Variants in NEGR1 observed in about 807,000 individuals in gnomAD.
NEGR1 encodes the protein IgLON family member 4.
Under a neutral mutation model 40.9 loss-of-function variants are expected in NEGR1, and 10 were observed. The ratio of observed to expected loss-of-function variants is 0.24; its 90% CI spans 0.15 to 0.42. NEGR1 has a LOEUF of 0.42. Among genes scored for constraint, NEGR1 ranks in the 10% least tolerant of loss-of-function variants. The pLI, the probability that NEGR1 is intolerant of heterozygous loss-of-function variation, is 1.00. For missense variants in NEGR1, 352 were observed against 438.9 expected (o/e 0.80, Z 1.77); for synonymous variants, 185 against 166.8 (o/e 1.11, Z -0.84).
chr1:71,932,353 C>A (rs1247491381), intron 2 of NEGR1, among the ~76,000 whole-genome samples: 1 of 151,384 alleles, frequency 6.6e-6, no homozygotes, highest in Non-Finnish European at 1.5e-5. Flanking sequence ...CCTTAAAGAC[C>A]TTCTTGTCTT....
chr1:71,616,423 C>G (rs769502479), intron 4 of NEGR1, among the ~76,000 whole-genome samples: 51 of 152,198 alleles, frequency 3.4e-4, no homozygotes, highest in Non-Finnish European at 7.1e-4. Context: ...TGAGGTGGAG[C>G]TGAGGCAGTG....
At chr1:71,866,816 C>T (rs1395741156) in intron 2 of NEGR1, among the ~76,000 whole-genome samples, 1 of 152,138 alleles carries the variant, frequency 6.6e-6, no homozygotes, top group East Asian at 1.9e-4. Flanking sequence ...TATAATGTGA[C>T]GCTCTCTGAA....
At chr1:71,704,545 TAA>T (rs1316536898) in intron 3 of NEGR1, among the ~76,000 whole-genome samples, 1 of 151,802 alleles carries the variant, frequency 6.6e-6, no homozygotes, top group Non-Finnish European at 1.5e-5. Flanking sequence ...CAGTTTAGAT[TAA>T]GTGTACAAAT....
intron 3 of NEGR1, among the ~76,000 whole-genome samples, chr1:71,769,149 T>C (rs1475399699): frequency 4.6e-5 from 7 of 152,050 alleles, no homozygotes; most frequent in African/African-American, 9.7e-5. Context: ...TCATCTATAA[T>C]TGAAATTTTT....
chr1:71,723,066 T>G (rs1654562650), intron 3 of NEGR1, among the ~76,000 whole-genome samples: 1 of 152,062 alleles, frequency 6.6e-6, no homozygotes, highest in Non-Finnish European at 1.5e-5. Flanking sequence ...TCTTTGTTCC[T>G]CTATATTATG....
chr1:72,061,129 C>T (rs112630576), intron 1 of NEGR1, among the ~76,000 whole-genome samples: 1,921 of 151,562 alleles, frequency 0.013, 39 homozygotes, highest in African/African-American at 0.044. Context: ...TACCTAGAGA[C>T]AGAATTCTAG....
chr1:71,547,609 AATAGGATATTCTTTC>A (rs1436592060), intron 6 of NEGR1, among the ~76,000 whole-genome samples: 1 of 151,754 alleles, frequency 6.6e-6, no homozygotes, highest in Non-Finnish European at 1.5e-5. Context: ...GAGATTAATA[AATAGGATATTCTTTC>A]ATATCAGTGT....
At chr1:72,143,903 ATG>A (rs1276063476) in intron 1 of NEGR1, among the ~76,000 whole-genome samples, 40 of 80,918 alleles carry the variant, frequency 4.9e-4, no homozygotes, top group African/African-American at 1.8e-3. Flanking sequence ...TATTATATAT[ATG>A]ATATATATAA....
intron 1 of NEGR1, among the ~76,000 whole-genome samples, chr1:72,011,112 T>C (rs1157659303): frequency 6.6e-6 from 1 of 152,168 alleles, no homozygotes; most frequent in Non-Finnish European, 1.5e-5. Context: ...TTATCTAATA[T>C]AGTACCCTCT....
intron 6 of NEGR1, among the ~76,000 whole-genome samples, chr1:71,560,433 ATATATATATATATATG>A (rs1165731714): frequency 3.0e-5 from 4 of 132,930 alleles, no homozygotes; most frequent in Non-Finnish European, 4.9e-5. Flanking sequence ...TCTCCATTAT[ATATATATATATATATG>A]TATATATATA....
At chr1:72,016,606 A>T (rs1343165696) in intron 1 of NEGR1, among the ~76,000 whole-genome samples, 1 of 152,184 alleles carries the variant, frequency 6.6e-6, no homozygotes, top group Non-Finnish European at 1.5e-5. Context: ...TGACCCTTAA[A>T]TGCTGAGATC....
chr1:71,938,734 C>T (rs1645933006), intron 1 of NEGR1, among the ~76,000 whole-genome samples: 1 of 151,876 alleles, frequency 6.6e-6, no homozygotes, highest in Non-Finnish European at 1.5e-5. Context: ...AATCCTGGCC[C>T]AAACAGAATT....
chr1:71,692,032 C>T (rs1653301015), intron 4 of NEGR1, among the ~76,000 whole-genome samples: 1 of 151,688 alleles, frequency 6.6e-6, no homozygotes, highest in Non-Finnish European at 1.5e-5. Context: ...TATCAAAGCA[C>T]TTGTCACACT....
intron 1 of NEGR1, among the ~76,000 whole-genome samples, chr1:72,045,138 T>G (rs2100464061): frequency 6.6e-6 from 1 of 151,914 alleles, no homozygotes; most frequent in South Asian, 2.1e-4. Context: ...TTTTGCAAGA[T>G]TAAAATCTCT....
At chr1:71,468,563 T>C (rs1417772626) in intron 6 of NEGR1, 1 of 151,926 alleles carries the variant, frequency 6.6e-6, no homozygotes, top group Non-Finnish European at 1.5e-5. Flanking sequence ...ACAACTAAAA[T>C]AGAAGGGCAC....
intron 4 of NEGR1, among the ~76,000 whole-genome samples, chr1:71,639,800 G>C (rs1456165783): frequency 6.6e-6 from 1 of 151,982 alleles, no homozygotes; most frequent in Non-Finnish European, 1.5e-5. Context: ...ATTTCATCCA[G>C]AGTGTCTTCA....
chr1:71,496,833 A>G (rs1195812483), intron 6 of NEGR1, among the ~76,000 whole-genome samples: 1 of 152,160 alleles, frequency 6.6e-6, no homozygotes, highest in Non-Finnish European at 1.5e-5. Flanking sequence ...CTATCAATGG[A>G]ATAAGTGTGT....
intron 1 of NEGR1, among the ~76,000 whole-genome samples, chr1:72,144,441 G>A (rs1044082192): frequency 3.2e-5 from 3 of 92,668 alleles, no homozygotes; most frequent in African/African-American, 8.9e-5. Flanking sequence ...GTTAAAAACA[G>A]ATAACAAACT....
chr1:71,819,576 T>C (rs1051314765), intron 2 of NEGR1, among the ~76,000 whole-genome samples: 7 of 151,934 alleles, frequency 4.6e-5, no homozygotes, highest in South Asian at 4.1e-4. Context: ...GGACATTTTC[T>C]ATAACATGAA....
Sources: allele counts gnomAD v4.1 joint callset (sites outside exome capture counted in the v4.1 genomes callset), GRCh38; gene constraint gnomAD v4.1.1; transcripts MANE v1.5; gene names NCBI Gene and HGNC (gene_info 2026-07-23, HGNC 2026-07-21).